Variants in XIRP2 observed in about 807,000 individuals in gnomAD.
The protein encoded by XIRP2 is xin actin binding repeat containing 2, also known as xin actin-binding repeat-containing protein 2.
XIRP2 carries 236 observed loss-of-function variants against 277.0 expected under a neutral mutation model. That is an observed-to-expected ratio of 0.85 (90% CI 0.77 to 0.95). The LOEUF is 0.95. Ranked by LOEUF, XIRP2 falls within the 40% of genes least tolerant of loss-of-function variation. XIRP2 has a pLI of 0.00. For missense variants in XIRP2, 4,640 were observed against 4,157.5 expected, an observed-to-expected ratio of 1.12 and a Z score of -3.19; for synonymous variants, 1,490 against 1,416.5, an observed-to-expected ratio of 1.05 and a Z score of -1.17.
chr2:167,042,546 A>T (rs1250450860), intron 2 of XIRP2, among the ~76,000 whole-genome samples: 2 of 152,192 alleles, frequency 1.3e-5, no homozygotes, highest in Non-Finnish European at 2.9e-5. Flanking sequence ...AAAAATGAAC[A>T]GGGGTTGCCA....
intron 1 of XIRP2, among the ~76,000 whole-genome samples, chr2:166,888,978 G>A (rs1380418958): frequency 1.3e-5 from 2 of 152,086 alleles, no homozygotes; most frequent in East Asian, 1.9e-4. Context: ...TTCTTCCTTC[G>A]TTCCATTGAG....
At chr2:167,122,325 C>G (rs1467748396) in intron 2 of XIRP2, among the ~76,000 whole-genome samples, 1 of 152,134 alleles carries the variant, frequency 6.6e-6, no homozygotes, top group Non-Finnish European at 1.5e-5. Flanking sequence ...CTATTTACTT[C>G]CAGCTGTAAA....
chr2:167,170,681 TTC>T, intron 3 of XIRP2, among the ~76,000 whole-genome samples: 2 of 152,182 alleles, frequency 1.3e-5, no homozygotes, highest in East Asian at 3.9e-4. Flanking sequence ...TACTGATAAT[TTC>T]TATTTTCTCC....
chr2:167,193,879 CAA>C (rs767047580), intron 3 of XIRP2, among the ~76,000 whole-genome samples: 43 of 71,794 alleles, frequency 6.0e-4, no homozygotes, highest in Non-Finnish European at 9.0e-4. Flanking sequence ...GACTCTGTCT[CAA>C]AAAAAAAAAA....
At chr2:167,018,467 A>G (rs1486670267) in intron 2 of XIRP2, among the ~76,000 whole-genome samples, 14 of 152,048 alleles carry the variant, frequency 9.2e-5, no homozygotes, top group Non-Finnish European at 1.3e-4. Flanking sequence ...GAGACACACT[A>G]TTTAGTCCAT....
chr2:166,973,215 G>T (rs919759945), intron 2 of XIRP2, among the ~76,000 whole-genome samples: 1 of 152,126 alleles, frequency 6.6e-6, no homozygotes, highest in Non-Finnish European at 1.5e-5. Flanking sequence ...TTTTAAGGAA[G>T]AAATATTAAG....
At chr2:167,188,022 G>A (rs1573942311) in intron 3 of XIRP2, among the ~76,000 whole-genome samples, 1 of 152,072 alleles carries the variant, frequency 6.6e-6, no homozygotes, top group South Asian at 2.1e-4. Flanking sequence ...TGTAGTTCTT[G>A]CTCCAGCCAG....
At chr2:166,902,988 T>C (rs1684420168) in intron 1 of XIRP2, among the ~76,000 whole-genome samples, 1 of 152,158 alleles carries the variant, frequency 6.6e-6, no homozygotes, top group Non-Finnish European at 1.5e-5. Flanking sequence ...ATTAGTCTAC[T>C]ACTTCTGAAG....
At chr2:167,188,087 A>G (rs889827821) in intron 3 of XIRP2, among the ~76,000 whole-genome samples, 15 of 152,332 alleles carry the variant, frequency 9.8e-5, no homozygotes, top group African/African-American at 3.6e-4. Flanking sequence ...TCAGGTTCTT[A>G]CATGTTTTGC....
At chr2:167,239,699 C>T (rs897669450) in intron 5 of XIRP2, among the ~76,000 whole-genome samples, 156 bp from the exon 6 acceptor site, 1 of 152,194 alleles carries the variant, frequency 6.6e-6, no homozygotes, top group Non-Finnish European at 1.5e-5. Context: ...CATTTTAAGC[C>T]ACTAAACTTG....
chr2:167,167,574 T>C (rs1262245087), intron 3 of XIRP2, among the ~76,000 whole-genome samples: 1 of 152,154 alleles, frequency 6.6e-6, no homozygotes, highest in African/African-American at 2.4e-5. Flanking sequence ...TTCTAACAGC[T>C]CTGTACCACT....
chr2:167,172,638 A>T (rs1692730081), intron 3 of XIRP2, among the ~76,000 whole-genome samples: 1 of 151,198 alleles, frequency 6.6e-6, no homozygotes, highest in Non-Finnish European at 1.5e-5. Flanking sequence ...TATTTCTCCT[A>T]TTTGCTTTTG....
At position 166,922,294 on chromosome 2, in the gene XIRP2, A is replaced by G. The variant is rs138855491; in HGVS notation, c.408+18404A>G. On this transcript the variant is annotated intron_variant, in intron 2 of 10. Coordinates refer to ENST00000409195, the MANE Select transcript of XIRP2 (RefSeq NM_152381.6). Reference sequence around the variant, plus strand: ...GGCCACTGCCCTCTGTAATGTGCTGAGATTTGTTGTTGTTTGACCTGTTTG... The same window carrying G: ...GGCCACTGCCCTCTGTAATGTGCTGGGATTTGTTGTTGTTTGACCTGTTTG... Among the ~76,000 whole-genome samples, 25 of 152,218 alleles carry G rather than the reference A, an allele frequency of 1.6e-4. No homozygotes were observed. The East Asian group carries it at 3.3e-3, about 20-fold the overall frequency.
At position 167,250,957 on chromosome 2, in the gene XIRP2, A is replaced by G. The variant is rs1227562479; in HGVS notation, c.9565A>G (p.Thr3189Ala). 6.2e-7 allele frequency: 1 copy of G among 1,613,640 alleles called. No individual in the cohort carries two copies. The highest frequency in any genetic ancestry group is 1.1e-5 in the South Asian group (1 of 91,078). ...ACAACTTGTCAGACTCAAAGACACC[A>G]CTGCAAAGTTATCCAAAGGGGCCAT... The part of the protein sequence containing the change: ...SEQLVRLKDT[T>A]AKLSKGAIPC... Residue 3189 changes from threonine to alanine, a missense_variant, in exon 9 of 11, where the codon ACT becomes GCT. Coordinates refer to ENST00000409195, the MANE Select transcript of XIRP2 (RefSeq NM_152381.6).
At chr2:166,970,562 T>C (rs1414459977) in intron 2 of XIRP2, among the ~76,000 whole-genome samples, 1 of 151,936 alleles carries the variant, frequency 6.6e-6, no homozygotes, top group Admixed American at 6.6e-5. Flanking sequence ...TCAAATAATA[T>C]CATGAACTAT....
In XIRP2 at chr2:167,050,327, G is replaced by A. The variant is rs1399854558; in HGVS notation, c.409-85582G>A. Among the ~76,000 whole-genome samples, 4 of 151,928 alleles carry A rather than the reference G, an allele frequency of 2.6e-5. No individual in the cohort carries two copies. In the East Asian group the frequency reaches 7.7e-4, roughly 29 times the overall value. On this transcript the variant is annotated intron_variant, in intron 2 of 10. Transcript: ENST00000409195. Reference sequence around the variant, plus strand: ...TCACTAATGTCTCCAGACTACTTTGGTTATATCGGATTTAAATGATATGAA... The same window carrying A: ...TCACTAATGTCTCCAGACTACTTTGATTATATCGGATTTAAATGATATGAA...
At chr2:167,168,269 T>C (rs1309939297) in intron 3 of XIRP2, among the ~76,000 whole-genome samples, 5 of 152,146 alleles carry the variant, frequency 3.3e-5, no homozygotes, top group Non-Finnish European at 7.3e-5. Context: ...GGTTTGTGGT[T>C]TGGTGTCTAA....
chr2:166,996,718 T>C (rs114646454), intron 2 of XIRP2, among the ~76,000 whole-genome samples: 2,896 of 152,254 alleles, frequency 0.019, 73 homozygotes, highest in African/African-American at 0.057. Flanking sequence ...TACAATAAAA[T>C]TGTAGTCGGC....
chr2:166,921,251 A>G (rs1208395461), intron 2 of XIRP2, among the ~76,000 whole-genome samples: 10 of 152,102 alleles, frequency 6.6e-5, no homozygotes, highest in Admixed American at 6.5e-4. Flanking sequence ...GCTGAATTGT[A>G]TGGTAAGAGT....
Sources: gnomAD v4.1 joint callset for allele counts (sites outside exome capture counted in the v4.1 genomes callset) on GRCh38, gnomAD v4.1.1 for gene constraint, MANE v1.5 for transcripts, NCBI Gene and HGNC (gene_info 2026-07-23, HGNC 2026-07-21) for gene names.